GSG1L: variants seen among roughly 807,000 people sequenced by gnomAD.
GSG1L encodes GSG1 like.
GSG1L carries 24 observed loss-of-function variants against 42.1 expected under a neutral mutation model. The ratio of observed to expected loss-of-function variants is 0.57; its 90% CI spans 0.41 to 0.80. GSG1L has a LOEUF of 0.80. Among genes scored for constraint, GSG1L ranks in the 30% least tolerant of loss-of-function variants. The pLI, the probability that GSG1L is intolerant of heterozygous loss-of-function variation, is 0.00. For missense variants in GSG1L, 445 were observed against 472.2 expected, an observed-to-expected ratio of 0.94 and a Z score of 0.53; for synonymous variants, 215 against 203.5, an observed-to-expected ratio of 1.06 and a Z score of -0.48.
intron 2 of GSG1L, among the ~76,000 whole-genome samples, chr16:27,940,238 C>G (rs1210411327): frequency 6.6e-6 from 1 of 151,936 alleles, no homozygotes. Context: ...AATAGGAACA[C>G]TTTTACACTG....
intron 5 of GSG1L, among the ~76,000 whole-genome samples, chr16:27,819,655 G>T (rs573824591): frequency 6.6e-6 from 1 of 152,312 alleles, no homozygotes; most frequent in African/African-American, 2.4e-5. Flanking sequence ...GGGGAGCTGT[G>T]TATGATCAGG....
At chr16:27,850,361 A>G (rs941379763) in intron 3 of GSG1L, 2 of 367,852 alleles carry the variant, frequency 5.4e-6, no homozygotes, top group Admixed American at 6.7e-5. Flanking sequence ...CTGGGATAGC[A>G]AGCAAACAGT....
chr16:27,845,311 T>C (rs2083430891), intron 3 of GSG1L, among the ~76,000 whole-genome samples: 1 of 152,234 alleles, frequency 6.6e-6, no homozygotes, highest in African/African-American at 2.4e-5. Context: ...AGTGGCACGA[T>C]CATAGCTCCT....
chr16:28,039,562 C>A (rs149768447), intron 1 of GSG1L, among the ~76,000 whole-genome samples: 16 of 152,196 alleles, frequency 1.1e-4, no homozygotes, highest in African/African-American at 3.4e-4. Flanking sequence ...GGCATGCACA[C>A]ATATGTGCAC....
chr16:27,902,131 T>G (rs117925142), intron 2 of GSG1L, among the ~76,000 whole-genome samples: 2,066 of 152,340 alleles, frequency 0.014, 21 homozygotes, highest in Non-Finnish European at 0.022. Flanking sequence ...GGATGTTGTC[T>G]GTCTGTCCAG....
chr16:27,988,082 G>T (rs942504644), intron 1 of GSG1L, among the ~76,000 whole-genome samples: 3 of 151,840 alleles, frequency 2.0e-5, no homozygotes, highest in Non-Finnish European at 2.9e-5. Context: ...GTCATTTCTA[G>T]GTAAGATACT....
At chr16:27,964,128 G>T (rs1315487407) in intron 1 of GSG1L, among the ~76,000 whole-genome samples, 2 of 152,138 alleles carry the variant, frequency 1.3e-5, no homozygotes, top group South Asian at 4.2e-4. Flanking sequence ...TCAAGAGATG[G>T]AGACCATCCT....
chr16:28,003,077 C>T (rs559549465), intron 1 of GSG1L, among the ~76,000 whole-genome samples: 156 of 152,324 alleles, frequency 1.0e-3, no homozygotes, highest in Non-Finnish European at 2.0e-3. Flanking sequence ...CTGTTGTGAG[C>T]GAGTCCTGGG....
intron 6 of GSG1L, among the ~76,000 whole-genome samples, chr16:27,792,941 G>A (rs188733939): frequency 6.6e-6 from 1 of 152,344 alleles, no homozygotes; most frequent in Non-Finnish European, 1.5e-5. Flanking sequence ...AGAAGTCACA[G>A]CTATGATAGA....
chr16:27,825,204 G>A (rs2083196265), intron 5 of GSG1L, among the ~76,000 whole-genome samples: 1 of 152,210 alleles, frequency 6.6e-6, no homozygotes, highest in Admixed American at 6.5e-5. Context: ...CAAGAGTCTA[G>A]TCAATCACCA....
chr16:27,967,767 G>A (rs981003222), intron 1 of GSG1L, among the ~76,000 whole-genome samples: 4 of 152,130 alleles, frequency 2.6e-5, no homozygotes, highest in Non-Finnish European at 4.4e-5. Context: ...ACAAAAATTC[G>A]CTGGGTGTGT....
chr16:28,029,659 G>A (rs1286346038), intron 1 of GSG1L, among the ~76,000 whole-genome samples: 3 of 152,098 alleles, frequency 2.0e-5, no homozygotes, highest in African/African-American at 7.2e-5. Context: ...TGGATGGACT[G>A]TAGATGAATG....
At chr16:27,863,900 T>G (rs1215322689) in intron 3 of GSG1L, among the ~76,000 whole-genome samples, 1 of 152,224 alleles carries the variant, frequency 6.6e-6, no homozygotes, top group Non-Finnish European at 1.5e-5. Flanking sequence ...TAGCTCAAAC[T>G]GGGTTTTTTA....
intron 2 of GSG1L, among the ~76,000 whole-genome samples, chr16:27,948,609 CTTTTT>C (rs202151239): frequency 8.6e-6 from 1 of 116,602 alleles, no homozygotes; most frequent in Non-Finnish European, 1.8e-5. Flanking sequence ...TCTTCTTCTT[CTTTTT>C]TTTTTTTTTT....
At chr16:28,004,182 A>G (rs1388837980) in intron 1 of GSG1L, among the ~76,000 whole-genome samples, 1 of 152,124 alleles carries the variant, frequency 6.6e-6, no homozygotes, top group Admixed American at 6.5e-5. Context: ...CCGCTCTCAG[A>G]GAGGGTAGCT....
At chr16:27,929,313 G>T (rs1182408245) in intron 2 of GSG1L, among the ~76,000 whole-genome samples, 1 of 152,168 alleles carries the variant, frequency 6.6e-6, no homozygotes, top group Admixed American at 6.5e-5. Context: ...GATTGGTCTT[G>T]CTCCTAGACC....
At chr16:27,868,010 G>A (rs985840121) in intron 3 of GSG1L, among the ~76,000 whole-genome samples, 1 of 152,212 alleles carries the variant, frequency 6.6e-6, no homozygotes, top group African/African-American at 2.4e-5. Context: ...TTCCTCCAGC[G>A]TAGGTTTTAT....
intron 1 of GSG1L, among the ~76,000 whole-genome samples, chr16:27,981,669 C>T (rs2085328029): frequency 1.3e-5 from 2 of 152,160 alleles, no homozygotes; most frequent in East Asian, 1.9e-4. Context: ...TGGGGATAAT[C>T]GTTTCTACAA....
At chr16:27,936,559 A>C (rs1012193503) in intron 2 of GSG1L, among the ~76,000 whole-genome samples, 2 of 152,276 alleles carry the variant, frequency 1.3e-5, no homozygotes, top group Admixed American at 1.3e-4. Context: ...CCAGAAGCAG[A>C]TGCAGGCTTC....
Sources: gnomAD v4.1 joint callset for allele counts (sites outside exome capture counted in the v4.1 genomes callset) on GRCh38, gnomAD v4.1.1 for gene constraint, MANE v1.5 for transcripts, NCBI Gene and HGNC (gene_info 2026-07-23, HGNC 2026-07-21) for gene names.